Variants in GRXCR2 observed in about 807,000 individuals in gnomAD.
GRXCR2 encodes the protein glutaredoxin and cysteine rich domain containing 2, also known as glutaredoxin domain-containing cysteine-rich protein 2.
A neutral mutation model predicts 24.8 loss-of-function variants in GRXCR2; 23 were observed. The observed-to-expected ratio is 0.93, with a 90% CI of 0.67 to 1.32. The LOEUF (loss-of-function observed/expected upper bound fraction) is 1.32. Ranked by LOEUF, GRXCR2 falls within the 40% of genes most tolerant of loss-of-function variation. GRXCR2 has a pLI of 0.00. For synonymous variants in GRXCR2, 130 were observed against 116.1 expected, an observed-to-expected ratio of 1.12 and a Z score of -0.77; for missense variants, 315 against 303.4, an observed-to-expected ratio of 1.04 and a Z score of -0.28.
chr5:145,916,214 C>T (rs577132261), intron 2 of GRXCR2, among the ~76,000 whole-genome samples: 66 of 152,188 alleles, frequency 4.3e-4, no homozygotes, highest in Admixed American at 7.9e-4. Flanking sequence ...ACTGACTGTA[C>T]GTGTGTCTGT....
At chr5:145,892,957 AAG>A (rs1469341640) in intron 2 of GRXCR2, among the ~76,000 whole-genome samples, 1 of 152,250 alleles carries the variant, frequency 6.6e-6, no homozygotes, top group Non-Finnish European at 1.5e-5. Context: ...TACAAGCCAG[AAG>A]AGAGTGGGGG....
At chr5:145,904,260 C>G (rs1389117690) in intron 2 of GRXCR2, among the ~76,000 whole-genome samples, 1 of 152,196 alleles carries the variant, frequency 6.6e-6, no homozygotes, top group Non-Finnish European at 1.5e-5. Context: ...CCCACCTCCA[C>G]CCTCTCCTGA....
At chr5:145,912,643 G>A (rs1379498639) in intron 2 of GRXCR2, among the ~76,000 whole-genome samples, 3 of 152,178 alleles carry the variant, frequency 2.0e-5, no homozygotes, top group Admixed American at 6.5e-5. Context: ...GAGCTACTGT[G>A]GAGTGGGTGG....
At chr5:145,880,066 C>CACTAA (rs1301977219) in intron 2 of GRXCR2, among the ~76,000 whole-genome samples, 2 of 152,128 alleles carry the variant, frequency 1.3e-5, no homozygotes, top group Non-Finnish European at 2.9e-5. Context: ...AAATTTATAG[C>CACTAA]ACTAAATGCC....
chr5:145,889,238 A>G (rs552990168), intron 2 of GRXCR2, among the ~76,000 whole-genome samples: 29 of 149,030 alleles, frequency 1.9e-4, no homozygotes, highest in Admixed American at 1.3e-3. Flanking sequence ...GAAAGAAAGA[A>G]AGAAAGAATT....
At chr5:145,889,243 A>AGAAAGAAAGAAAGAAAGAAT (rs1408862997) in intron 2 of GRXCR2, among the ~76,000 whole-genome samples, 6 of 147,690 alleles carry the variant, frequency 4.1e-5, no homozygotes, top group Admixed American at 1.3e-4. Flanking sequence ...AAAGAAAGAA[A>AGAAAGAAAGAAAGAAAGAAT]GAATTATGCA....
intron 2 of GRXCR2, among the ~76,000 whole-genome samples, chr5:145,924,731 G>T (rs190713387): frequency 6.6e-6 from 1 of 152,274 alleles, no homozygotes; most frequent in African/African-American, 2.4e-5. Context: ...TAAGATGGGG[G>T]TAATTAAAGG....
Position 145,880,866 on chromosome 5 carries a change from T to A in GRXCR2, c.-69-14138A>T, listed in dbSNP as rs114681538. On this transcript the variant is annotated intron_variant, in intron 2 of 3. Coordinates refer to the GRXCR2 transcript ENST00000639411. ...CGGCTTCATCCCTGGGATACAAGAC[T>A]GGTTGAACATATGCAAATCAATAAA... is the stretch of plus-strand genomic sequence containing the variant. Among the ~76,000 whole-genome samples, 961 of 152,342 alleles carry A rather than the reference T, an allele frequency of 6.3e-3. 9 individuals carry two copies. Among genetic ancestry groups the A allele is most frequent in the African/African-American group, 0.022 (910 of 41,578 alleles).
At chr5:145,922,492 A>C (rs1757336044) in intron 2 of GRXCR2, among the ~76,000 whole-genome samples, 1 of 152,212 alleles carries the variant, frequency 6.6e-6, no homozygotes, top group Admixed American at 6.5e-5. Context: ...CTAAGCTGGG[A>C]GCTCCCTGAA....
At chr5:145,882,481 A>C (rs577184398) in intron 2 of GRXCR2, among the ~76,000 whole-genome samples, 14 of 152,348 alleles carry the variant, frequency 9.2e-5, no homozygotes, top group African/African-American at 3.1e-4. Context: ...ATACCATCTC[A>C]CACCAATTAG....
At chr5:145,862,891 G>T (rs1171715388) in intron 2 of GRXCR2, among the ~76,000 whole-genome samples, 2 of 152,122 alleles carry the variant, frequency 1.3e-5, no homozygotes, top group Non-Finnish European at 2.9e-5. Flanking sequence ...ATGAACTGTT[G>T]CATGGAGCAT....
upstream of GRXCR2, among the ~76,000 whole-genome samples, chr5:145,876,216 T>TATATATATAC (rs1420891903): frequency 2.7e-4 from 36 of 133,886 alleles, no homozygotes; most frequent in African/African-American, 9.9e-4. Flanking sequence ...TATATATATA[T>TATATATATAC]ACACACACAC....
intron 1 of GRXCR2, among the ~76,000 whole-genome samples, chr5:145,872,194 G>A (rs936077018): frequency 6.6e-6 from 1 of 151,444 alleles, no homozygotes; most frequent in African/African-American, 2.4e-5. Flanking sequence ...GGCAATAGGG[G>A]TAAAAAACAA....
chr5:145,872,765 C>T lies in GRXCR2; in HGVS notation c.204G>A (p.Gly68=). 2 of 1,614,178 alleles carry T rather than the reference C, an allele frequency of 1.2e-6. No individual in the cohort carries two copies. The highest frequency in any genetic ancestry group is 1.7e-6 in the Non-Finnish European group (2 of 1,180,014). Residue 68 remains glycine (G), a synonymous_variant, in exon 1 of 3, where the codon GGG becomes GGA. Coordinates refer to ENST00000377976, the MANE Select transcript of GRXCR2 (RefSeq NM_001080516.2). ...LETMDGVYGS[G]EVPRPQMCSP... is the part of the protein sequence containing the mutation. Reference sequence around the variant, plus strand: ...AGCACATCTGGGGCCTGGGGACTTCCCCAGACCCATAAACACCATCCATTG... The same window carrying T: ...AGCACATCTGGGGCCTGGGGACTTCTCCAGACCCATAAACACCATCCATTG...
chr5:145,921,296 G>A lies in GRXCR2; in HGVS notation c.-70+14405C>T, dbSNP rs115143837. 1.2e-3 allele frequency among the ~76,000 whole-genome samples: 189 copies of A among 152,238 alleles called. 1 individual carries two copies. The highest frequency in any genetic ancestry group is 4.4e-3 in the African/African-American group (182 of 41,552). On this transcript the variant is annotated intron_variant, in intron 2 of 3. Coordinates refer to the GRXCR2 transcript ENST00000639411. ...ATTCATTAGATATATATGTGCTCAT[G>A]GCAAAAAGGCCAGGAAACCAAGGGT...
rs757109961 is a variant in GRXCR2, at chr5:145,872,974, G to C, written c.-6C>G. ...TTTTTCTCAGGGTCCTCCATCAGCA[G>C]AAAGTTGACCCTGTGGTCTCCAGCC... On this transcript the variant is annotated 5_prime_UTR_variant, in exon 1 of 3. Transcript: ENST00000377976. 6.2e-7 allele frequency: 1 copy of C among 1,613,062 alleles called. No homozygotes were observed. The highest frequency in any genetic ancestry group is 8.5e-7 in the Non-Finnish European group (1 of 1,179,108).
intron 2 of GRXCR2, among the ~76,000 whole-genome samples, chr5:145,897,071 G>A (rs1250348735): frequency 6.9e-6 from 1 of 145,182 alleles, no homozygotes; most frequent in African/African-American, 2.6e-5. Flanking sequence ...ACTCATAGGT[G>A]GGAATTGAAC....
At chr5:145,870,976 C>T (rs1216182526) in intron 1 of GRXCR2, among the ~76,000 whole-genome samples, 2 of 152,080 alleles carry the variant, frequency 1.3e-5, no homozygotes, top group Non-Finnish European at 2.9e-5. Context: ...GAGGCTGAGG[C>T]AGGAGGATCC....
intron 2 of GRXCR2, among the ~76,000 whole-genome samples, chr5:145,903,073 T>C (rs902499500): frequency 6.6e-6 from 1 of 152,160 alleles, no homozygotes; most frequent in Admixed American, 6.5e-5. Context: ...CTAAATACTT[T>C]CAGTTGCATT....
Sources: allele counts gnomAD v4.1 joint callset (sites outside exome capture counted in the v4.1 genomes callset), GRCh38; gene constraint gnomAD v4.1.1; transcripts MANE v1.5; gene names NCBI Gene and HGNC (gene_info 2026-07-23, HGNC 2026-07-21).